NECTIN3: variants seen among roughly 807,000 people sequenced by gnomAD.
The protein encoded by NECTIN3 is nectin-3.
In NECTIN3, 8 loss-of-function variants were observed where a neutral mutation model predicts 49.4. The ratio of observed to expected loss-of-function variants is 0.16; its 90% CI spans 0.10 to 0.29. The LOEUF (loss-of-function observed/expected upper bound fraction) is 0.29, where lower values mean the gene tolerates loss of function less well. Ranked by LOEUF, NECTIN3 falls within the 10% of genes least tolerant of loss-of-function variation. NECTIN3 has a pLI of 1.00. For missense variants in NECTIN3, 581 were observed against 654.6 expected (o/e 0.89, Z 1.23); for synonymous variants, 277 against 241.1 (o/e 1.15, Z -1.38).
chr3:111,082,613 T>G (rs2031685085), intron 1 of NECTIN3, among the ~76,000 whole-genome samples: 1 of 152,166 alleles, frequency 6.6e-6, no homozygotes, highest in Admixed American at 6.5e-5. Flanking sequence ...AAATGTCACA[T>G]CTTAAAGCAG....
intron 1 of NECTIN3, among the ~76,000 whole-genome samples, chr3:111,093,008 A>C (rs200413516): frequency 6.6e-6 from 1 of 152,196 alleles, no homozygotes; most frequent in East Asian, 1.9e-4. Context: ...TTTCAGTGTA[A>C]GCTTTACACT....
At chr3:111,182,195 ATC>A (rs1161841071) in intron 7 of NECTIN3, among the ~76,000 whole-genome samples, 1 of 152,096 alleles carries the variant, frequency 6.6e-6, no homozygotes, top group Non-Finnish European at 1.5e-5. Context: ...TAGAAAATAT[ATC>A]TGTTTCACTT....
intron 1 of NECTIN3, among the ~76,000 whole-genome samples, chr3:111,097,251 T>A (rs1423448925): frequency 6.6e-6 from 1 of 152,196 alleles, no homozygotes; most frequent in African/African-American, 2.4e-5. Context: ...CCCTTTGTTT[T>A]GGCCAGTGTC....
intron 1 of NECTIN3, among the ~76,000 whole-genome samples, chr3:111,095,215 T>A (rs2032515337): frequency 6.6e-6 from 1 of 152,206 alleles, no homozygotes; most frequent in Non-Finnish European, 1.5e-5. Flanking sequence ...ACCACCTATA[T>A]CTATTTTAGA....
chr3:111,147,389 C>A (rs1190175426), intron 6 of NECTIN3: 4 of 1,475,656 alleles, frequency 2.7e-6, no homozygotes, highest in African/African-American at 1.4e-5. Context: ...CATATTTTAA[C>A]CTTTGCAATG....
chr3:111,147,334 T>C (rs1004073085), intron 6 of NECTIN3: 3 of 1,216,756 alleles, frequency 2.5e-6, no homozygotes, highest in Non-Finnish European at 3.4e-6. Flanking sequence ...TATGAGAACC[T>C]TGATTTTCTT....
chr3:111,126,092 ACATCT>A, intron 4 of NECTIN3, 87 bp from the exon 5 acceptor site: 1 of 866,874 alleles, frequency 1.2e-6, no homozygotes, highest in Non-Finnish European at 1.6e-6. Context: ...ATTTTGACTA[ACATCT>A]CAAACATATA....
At chr3:111,143,523 A>T (rs1242924301) in intron 5 of NECTIN3, among the ~76,000 whole-genome samples, 4 of 151,964 alleles carry the variant, frequency 2.6e-5, no homozygotes, top group Non-Finnish European at 4.4e-5. Flanking sequence ...CCACATTTAA[A>T]CAAAAACAAT....
rs138688385 is a variant in NECTIN3, at chr3:111,150,321, A to C, written c.1221+2837A>C. Among the ~76,000 whole-genome samples the C allele has an allele frequency of 4.1e-3, 618 of 151,914 alleles. 5 individuals are homozygous for C. The highest frequency in any genetic ancestry group is 0.014 in the African/African-American group (567 of 41,482). On this transcript the variant is annotated intron_variant, in intron 7 of 8. Transcript: ENST00000493615. The stretch of plus-strand genomic sequence containing the variant: ...CAAGAGATTTTCTCTCCTGATACCT[A>C]TTTTCACAGTAGTTATCTGTCAGAT...
intron 1 of NECTIN3, chr3:111,074,200 G>T: frequency 4.4e-6 from 2 of 456,244 alleles, no homozygotes; most frequent in South Asian, 3.1e-5. Context: ...ATAGGGCACA[G>T]ATGTTGTGAC....
chr3:111,094,535 A>AC (rs2032474974), intron 1 of NECTIN3, among the ~76,000 whole-genome samples: 1 of 152,176 alleles, frequency 6.6e-6, no homozygotes, highest in Non-Finnish European at 1.5e-5. Context: ...GCCTTACAGG[A>AC]CTCAGAAGAG....
rs1488741123 is a variant in NECTIN3, at chr3:111,135,213, AAG to A, written c.*1000_*1001del. ...TTGTTCAAATGGGTAAATGTACAGA[AAG>A]AAAATTTTAGAGTAAACTTGGAACT... On this transcript the variant is annotated 3_prime_UTR_variant, in exon 6 of 6. Transcript: ENST00000485303. 5 of 976,928 alleles carry A rather than the reference AAG, an allele frequency of 5.1e-6. No homozygotes were observed. The African/African-American group carries it at 8.8e-5, about 17-fold the overall frequency. 60.5% of individuals were successfully genotyped at this position (976,928 alleles called of 1,614,324 possible).
intron 1 of NECTIN3, among the ~76,000 whole-genome samples, chr3:111,094,044 A>G (rs889366894): frequency 1.3e-5 from 2 of 151,776 alleles, no homozygotes; most frequent in African/African-American, 2.4e-5. Context: ...ATTAAAAGAT[A>G]TTATGATTTT....
At chr3:111,147,653 A>G (rs1410355191) in intron 7 of NECTIN3, among the ~76,000 whole-genome samples, 1 of 152,212 alleles carries the variant, frequency 6.6e-6, no homozygotes, top group Non-Finnish European at 1.5e-5. Context: ...TTACATAGCA[A>G]TACCTAAGTT....
At chr3:111,147,494 C>A in intron 7 of NECTIN3, 2 of 1,477,104 alleles carry the variant, frequency 1.4e-6, no homozygotes, top group South Asian at 1.2e-5. Flanking sequence ...GGTATGTGTT[C>A]ATGAGTACAC....
chr3:111,118,823 A>G lies in NECTIN3; in HGVS notation c.670A>G (p.Thr224Ala), dbSNP rs1259040473. Reference protein sequence around the residue: ...ESTTTSFPNETATIISQYKLF... With the variant: ...ESTTTSFPNEAATIISQYKLF... ...CACTACAACTTCTTTTCCAAATGAA[A>G]CGGCAACGATTATCAGCCAGTACAA... is the stretch of plus-strand genomic sequence containing the variant. The change falls in exon 3 of 6, where the codon ACG becomes GCG. Residue 224 changes from threonine to alanine, a missense_variant. By Grantham distance (58) the Thr-to-Ala change is moderately conservative. Transcript: ENST00000485303. 1.2e-6 allele frequency: 2 copies of G among 1,614,162 alleles called. No individual in the cohort carries two copies. The highest frequency in any genetic ancestry group is 1.7e-6 in the Non-Finnish European group (2 of 1,180,028).
chr3:111,127,962 GTTTAT>G (rs1045363244), intron 5 of NECTIN3, among the ~76,000 whole-genome samples: 36 of 152,140 alleles, frequency 2.4e-4, no homozygotes, highest in African/African-American at 8.4e-4. Context: ...CTTAAGGACT[GTTTAT>G]TTTGTTTCTG....
chr3:111,178,596 A>C (rs1004923209), intron 7 of NECTIN3, among the ~76,000 whole-genome samples: 3 of 152,192 alleles, frequency 2.0e-5, no homozygotes, highest in African/African-American at 7.2e-5. Context: ...GAGCTCAAGC[A>C]GGAGGTGAAG....
chr3:111,123,708 T>G (rs997790957), intron 4 of NECTIN3, among the ~76,000 whole-genome samples: 2 of 151,984 alleles, frequency 1.3e-5, no homozygotes, highest in Admixed American at 1.3e-4. Context: ...AACTCCAAAT[T>G]TTTTTTTGGA....
Sources: gnomAD v4.1 joint callset for allele counts (sites outside exome capture counted in the v4.1 genomes callset) on GRCh38, gnomAD v4.1.1 for gene constraint, MANE v1.5 for transcripts, NCBI Gene and HGNC (gene_info 2026-07-23, HGNC 2026-07-21) for gene names.